The following PES1 variants were observed in gnomAD, a reference collection of about 807,000 sequenced individuals.
The protein encoded by PES1 is pescadillo ribosomal biogenesis factor 1, also known as pescadillo homolog.
A neutral mutation model predicts 77.1 loss-of-function variants in PES1; 31 were observed. The ratio of observed to expected loss-of-function variants is 0.40; its 90% CI spans 0.30 to 0.54. The LOEUF is 0.54. Ranked by LOEUF, PES1 falls within the 20% of genes least tolerant of loss-of-function variation. The pLI is 0.45. For missense variants in PES1, 658 were observed against 771.7 expected, an observed-to-expected ratio of 0.85 and a Z score of 1.75; for synonymous variants, 282 against 303.0, an observed-to-expected ratio of 0.93 and a Z score of 0.72.
Position 30,587,385 on chromosome 22 carries a change from C to A in PES1, c.269G>T (p.Arg90Leu), listed in dbSNP as rs762675762. The change falls in exon 4 of 15, where the codon CGG becomes CTG. Residue 90 changes from arginine (R) to leucine (L), a missense_variant. By Grantham distance (102) the Arg-to-Leu change is moderately radical. Transcript: ENST00000354694. ...NKFREYKVFV[R>L]KLRKAYGKSE... ...CTTCCCATAAGCCTTCCGGAGCTTC[C>A]GGACGAACACCTGGAAGAAAGAAAG... is the stretch of plus-strand genomic sequence containing the variant. 2 of 1,613,156 alleles carry A rather than the reference C, an allele frequency of 1.2e-6. No individual in the cohort carries two copies. Among genetic ancestry groups the A allele is most frequent in the South Asian group, 2.2e-5 (2 of 91,058 alleles).
chr22:30,596,973 C>T (rs1022780917), intron 2 of PES1, among the ~76,000 whole-genome samples: 3 of 151,978 alleles, frequency 2.0e-5, no homozygotes, highest in Non-Finnish European at 4.4e-5. Flanking sequence ...CGGCCGGCCC[C>T]GCTGGCCACG....
At chr22:30,585,295 GA>G (rs540259088) in intron 4 of PES1, 60 of 471,576 alleles carry the variant, frequency 1.3e-4, no homozygotes, top group African/African-American at 1.1e-3. Flanking sequence ...AGCCAGAGCA[GA>G]ATGTGTTTCG....
intron 6 of PES1, among the ~76,000 whole-genome samples, chr22:30,582,259 G>A (rs1407947806): frequency 6.6e-6 from 1 of 152,214 alleles, no homozygotes; most frequent in Non-Finnish European, 1.5e-5. Context: ...TCCCACCTCT[G>A]AACCTTGGGA....
intron 1 of PES1, chr22:30,605,556 G>A: frequency 2.2e-6 from 2 of 928,514 alleles, no homozygotes; most frequent in Non-Finnish European, 1.3e-6. Context: ...CTGGAAACAG[G>A]CAGAGGGTTG....
chr22:30,598,669 C>A (rs906476598), intron 2 of PES1, among the ~76,000 whole-genome samples: 4 of 151,842 alleles, frequency 2.6e-5, no homozygotes, highest in South Asian at 2.1e-4. Context: ...CCTTAAGTGA[C>A]CCCCGCACCT....
intron 2 of PES1, chr22:30,603,996 A>G (rs2087399139): frequency 6.6e-6 from 1 of 152,240 alleles, no homozygotes; most frequent in African/African-American, 2.4e-5. Flanking sequence ...GTGTAAAGCA[A>G]GCAGTGTTTT....
chr22:30,595,384 A>C (rs2087239142), upstream of PES1, among the ~76,000 whole-genome samples: 1 of 151,668 alleles, frequency 6.6e-6, no homozygotes, highest in Non-Finnish European at 1.5e-5. Flanking sequence ...CTAAAAATAC[A>C]AAAATTAGCC....
chr22:30,598,919 T>TAC (rs2087310943), intron 2 of PES1, among the ~76,000 whole-genome samples: 1 of 103,404 alleles, frequency 9.7e-6, no homozygotes, highest in African/African-American at 3.8e-5. Flanking sequence ...TTTTTTGAGA[T>TAC]GGAGTCCTGC....
intron 2 of PES1, among the ~76,000 whole-genome samples, chr22:30,596,979 C>A (rs1172612800): frequency 6.6e-6 from 1 of 152,222 alleles, no homozygotes; most frequent in African/African-American, 2.4e-5. Context: ...GCCCCGCTGG[C>A]CACGGGCAGT....
At chr22:30,584,509 G>T (rs375019629) in intron 5 of PES1, 37 bp downstream of exon 5, 3 of 1,608,686 alleles carry the variant, frequency 1.9e-6, no homozygotes, top group East Asian at 2.2e-5. Context: ...AGGAGAGGGG[G>T]CAGGGTGGGA....
intron 4 of PES1, chr22:30,586,876 G>C (rs1383452315): frequency 5.9e-6 from 1 of 170,268 alleles, no homozygotes; most frequent in African/African-American, 2.4e-5. Flanking sequence ...TTGAACCTGG[G>C]AGGTGGAGGT....
At chr22:30,599,463 G>GTATA (rs2087320574) in intron 2 of PES1, among the ~76,000 whole-genome samples, 5 of 152,068 alleles carry the variant, frequency 3.3e-5, no homozygotes, top group African/African-American at 1.2e-4. Flanking sequence ...AGGAAACAGC[G>GTATA]AAATCTTCCG....
chr22:30,590,176 T>C (rs565327728), intron 1 of PES1, among the ~76,000 whole-genome samples: 6 of 152,332 alleles, frequency 3.9e-5, no homozygotes, highest in African/African-American at 1.4e-4. Flanking sequence ...AAGAAGCCTA[T>C]TGTCTTGTAT....
Position 30,598,884 on chromosome 22 carries a change from A to ATTTTTTTTTTTT in PES1, c.-660-6487_-660-6486insAAAAAAAAAAAA, listed in dbSNP as rs1569031688. ...TTTCAAGTTTATGTGACTTAAGTAA[A>ATTTTTTTTTTTT]ATTTTTTTTTTTTTTTTTTTTTTTT... is the stretch of plus-strand genomic sequence containing the variant. On this transcript the variant is annotated intron_variant, in intron 2 of 16. Coordinates refer to the PES1 transcript ENST00000402281. 1.6e-3 allele frequency among the ~76,000 whole-genome samples: 74 copies of ATTTTTTTTTTTT among 46,306 alleles called. 4 individuals are homozygous for ATTTTTTTTTTTT. Among genetic ancestry groups the ATTTTTTTTTTTT allele is most frequent in the African/African-American group, 4.9e-3 (66 of 13,406 alleles). The allele number at this position is 46,306 out of a possible 152,430, so 30.4% of individuals were successfully genotyped here. A position where few individuals can be genotyped will look rare whatever the true frequency, so the allele number is the denominator to read the frequency against.
intron 14 of PES1, among the ~76,000 whole-genome samples, chr22:30,578,096 A>G (rs1005329055): frequency 6.6e-6 from 1 of 152,184 alleles, no homozygotes; most frequent in African/African-American, 2.4e-5. Context: ...CAGCCTGGCC[A>G]AGACAGTAAA....
At chr22:30,597,918 CTG>C (rs1452724767) in intron 2 of PES1, among the ~76,000 whole-genome samples, 5 of 127,040 alleles carry the variant, frequency 3.9e-5, no homozygotes, top group Admixed American at 9.5e-5. Flanking sequence ...GAGTCTCACT[CTG>C]TCGCCCAGGC....
intron 4 of PES1, among the ~76,000 whole-genome samples, chr22:30,585,013 G>A (rs897755779): frequency 2.6e-5 from 4 of 152,154 alleles, no homozygotes; most frequent in Non-Finnish European, 4.4e-5. Flanking sequence ...TGTGGTGCAC[G>A]ACGGTAGACG....
chr22:30,596,802 C>T (rs533417134), upstream of PES1, among the ~76,000 whole-genome samples: 105 of 152,356 alleles, frequency 6.9e-4, no homozygotes, highest in African/African-American at 2.3e-3. Flanking sequence ...CCGTGGGAGC[C>T]CTTCTCTGGG....
At chr22:30,588,343 G>A (rs983658282) in intron 2 of PES1, among the ~76,000 whole-genome samples, 169 bp from the exon 3 acceptor site, 1 of 152,108 alleles carries the variant, frequency 6.6e-6, no homozygotes, top group Non-Finnish European at 1.5e-5. Flanking sequence ...AAACAAAAAC[G>A]CAGACTTGCG....
Sources: gnomAD v4.1 joint callset for allele counts (sites outside exome capture counted in the v4.1 genomes callset) on GRCh38, gnomAD v4.1.1 for gene constraint, MANE v1.5 for transcripts, NCBI Gene and HGNC (gene_info 2026-07-23, HGNC 2026-07-21) for gene names.